KCNH7: variants seen among roughly 807,000 people sequenced by gnomAD.
KCNH7 encodes potassium voltage-gated channel subfamily H member 7, also known as voltage-gated inwardly rectifying potassium channel KCNH7.
KCNH7 carries 49 observed loss-of-function variants against 120.8 expected under a neutral mutation model. The ratio of observed to expected loss-of-function variants is 0.41; its 90% confidence interval spans 0.32 to 0.51. KCNH7 has a LOEUF of 0.51. Ranked by LOEUF, KCNH7 falls within the 20% of genes least tolerant of loss-of-function variation. The pLI is 0.38. For synonymous variants in KCNH7, 547 were observed against 516.1 expected (o/e 1.06, Z -0.81); for missense variants, 1,097 against 1,446.6 (o/e 0.76, Z 3.92).
In KCNH7 at chr2:162,561,058, T is replaced by C. The variant is rs893664663; in HGVS notation, c.308-23978A>G. Among the ~76,000 whole-genome samples the C allele has an allele frequency of 7.2e-5, 11 of 152,304 alleles. No homozygotes were observed. In the South Asian group the frequency reaches 2.3e-3, roughly 32 times the overall value. On this transcript the variant is annotated intron_variant, in intron 2 of 15. Coordinates refer to ENST00000332142, the MANE Select transcript of KCNH7 (RefSeq NM_033272.4). ...AATACAGAAATGAAATAACCTTTTT[T>C]TTTTTTTACTATCTGGAAATGTTGT... is the stretch of plus-strand genomic sequence containing the variant.
At chr2:162,523,769 G>A (rs1273190314) in intron 3 of KCNH7, among the ~76,000 whole-genome samples, 1 of 151,796 alleles carries the variant, frequency 6.6e-6, no homozygotes, top group Non-Finnish European at 1.5e-5. Flanking sequence ...CAATACAACT[G>A]CAAATTTCCA....
At chr2:162,682,587 G>T (rs1473922626) in intron 2 of KCNH7, among the ~76,000 whole-genome samples, 1 of 151,702 alleles carries the variant, frequency 6.6e-6, no homozygotes, top group Non-Finnish European at 1.5e-5. Flanking sequence ...AAAGACATAG[G>T]TATTATAACA....
At chr2:162,778,129 A>G (rs941836644) in intron 2 of KCNH7, among the ~76,000 whole-genome samples, 6 of 152,170 alleles carry the variant, frequency 3.9e-5, no homozygotes, top group African/African-American at 1.4e-4. Context: ...AAAATTGTCT[A>G]AAGAGCCATA....
chr2:162,639,137 C>T lies in KCNH7; in HGVS notation c.308-102057G>A, dbSNP rs550913459. Among the ~76,000 whole-genome samples the T allele has an allele frequency of 2.0e-3, 306 of 152,232 alleles. 2 individuals carry two copies. The highest frequency in any genetic ancestry group is 7.0e-3 in the African/African-American group (289 of 41,534). ...ATCCCTTGGTGTTGCAGAAAGATCA[C>T]TCTTTTCATCCCAGTTGAGAACAAC... is the stretch of plus-strand genomic sequence containing the variant. On this transcript the variant is annotated intron_variant, in intron 2 of 15. Transcript: ENST00000332142.
chr2:162,804,476 G>A (rs1684460837), intron 2 of KCNH7, among the ~76,000 whole-genome samples: 2 of 151,496 alleles, frequency 1.3e-5, no homozygotes, highest in Non-Finnish European at 3.0e-5. Flanking sequence ...TCTCTTTTAC[G>A]ATAGCTGCAA....
intron 2 of KCNH7, among the ~76,000 whole-genome samples, chr2:162,563,028 G>C (rs1331848202): frequency 6.6e-6 from 1 of 151,980 alleles, no homozygotes; most frequent in African/African-American, 2.4e-5. Context: ...AGAAACACAG[G>C]GTCACTTTTC....
At chr2:162,480,092 T>G (rs1167237883) in intron 6 of KCNH7, among the ~76,000 whole-genome samples, 1 of 151,872 alleles carries the variant, frequency 6.6e-6, no homozygotes. Flanking sequence ...AAGGCAAGCA[T>G]TAGATTATGC....
At chr2:162,705,790 G>T (rs1228794191) in intron 2 of KCNH7, among the ~76,000 whole-genome samples, 3 of 152,022 alleles carry the variant, frequency 2.0e-5, no homozygotes, top group African/African-American at 7.2e-5. Flanking sequence ...TGGTAATGAA[G>T]TCAGCAAAAT....
intron 13 of KCNH7, among the ~76,000 whole-genome samples, 198 bp downstream of exon 13, chr2:162,384,490 G>T (rs112348860): frequency 2.0e-5 from 3 of 152,058 alleles, no homozygotes; most frequent in African/African-American, 7.2e-5. Flanking sequence ...CTCTATAAGT[G>T]TTTGGGAATA....
intron 6 of KCNH7, among the ~76,000 whole-genome samples, chr2:162,453,540 C>T (rs1688847498): frequency 6.6e-6 from 1 of 152,216 alleles, no homozygotes. Context: ...AATTGCCACA[C>T]TGTCTTCCAC....
intron 2 of KCNH7, among the ~76,000 whole-genome samples, chr2:162,567,618 C>G (rs1258280976): frequency 6.6e-6 from 1 of 151,950 alleles, no homozygotes; most frequent in Non-Finnish European, 1.5e-5. Flanking sequence ...TATTGTTTAT[C>G]TTTCTTTTCT....
At chr2:162,743,588 T>C (rs1158491394) in intron 2 of KCNH7, among the ~76,000 whole-genome samples, 2 of 152,138 alleles carry the variant, frequency 1.3e-5, no homozygotes, top group Non-Finnish European at 2.9e-5. Flanking sequence ...ATTTATCATA[T>C]TTCTGGTATT....
chr2:162,836,913 A>C (rs1685685937), intron 1 of KCNH7, 146 bp from the exon 2 acceptor site: 1 of 566,018 alleles, frequency 1.8e-6, no homozygotes, highest in African/African-American at 1.9e-5. Context: ...GAAAAAAGAA[A>C]ACACAAGAAA....
chr2:162,558,549 T>A (rs1420498747), intron 2 of KCNH7, among the ~76,000 whole-genome samples: 3 of 116,386 alleles, frequency 2.6e-5, no homozygotes, highest in African/African-American at 6.9e-5. Flanking sequence ...TAAGAAGAAA[T>A]GAAGAAAAAA....
At chr2:162,671,860 A>G (rs1685371928) in intron 2 of KCNH7, among the ~76,000 whole-genome samples, 1 of 152,156 alleles carries the variant, frequency 6.6e-6, no homozygotes. Flanking sequence ...AACAATATCT[A>G]AAGATACTAG....
At chr2:162,600,045 A>T (rs1020265263) in intron 2 of KCNH7, among the ~76,000 whole-genome samples, 2 of 152,110 alleles carry the variant, frequency 1.3e-5, no homozygotes, top group African/African-American at 4.8e-5. Context: ...TTTTAATTCT[A>T]GTCCTGTCTT....
At chr2:162,570,707 C>T (rs1403515796) in intron 2 of KCNH7, among the ~76,000 whole-genome samples, 2 of 151,896 alleles carry the variant, frequency 1.3e-5, no homozygotes, top group African/African-American at 2.4e-5. Flanking sequence ...CCTTCAGGAG[C>T]TCTTTCATCC....
At chr2:162,594,137 T>G (rs550494133) in intron 2 of KCNH7, among the ~76,000 whole-genome samples, 122 of 152,016 alleles carry the variant, frequency 8.0e-4, no homozygotes, top group Non-Finnish European at 1.5e-3. Flanking sequence ...AGGCCCCAAA[T>G]TTCAGAATTT....
chr2:162,711,155 G>T (rs1484249501), intron 2 of KCNH7, among the ~76,000 whole-genome samples: 1 of 152,226 alleles, frequency 6.6e-6, no homozygotes, highest in Non-Finnish European at 1.5e-5. Flanking sequence ...GTTATTAAGG[G>T]GAAATGTAGA....
Sources: allele counts gnomAD v4.1 joint callset (sites outside exome capture counted in the v4.1 genomes callset), GRCh38; gene constraint gnomAD v4.1.1; transcripts MANE v1.5; gene names NCBI Gene and HGNC (gene_info 2026-07-23, HGNC 2026-07-21).